Variants in ZNF251 observed in about 807,000 individuals in gnomAD.
The protein encoded by ZNF251 is zinc finger protein 251.
ZNF251 carries 14 observed loss-of-function variants against 13.5 expected under a neutral mutation model. The observed-to-expected ratio is 1.04, with a 90% confidence interval of 0.69 to 1.63. The LOEUF is 1.63. Ranked by LOEUF, ZNF251 falls within the 40% of genes most tolerant of loss-of-function variation. The pLI, the probability that ZNF251 is intolerant of heterozygous loss-of-function variation, is 0.00. For synonymous variants in ZNF251, 287 were observed against 295.2 expected (o/e 0.97, Z 0.28); for missense variants, 764 against 834.9 (o/e 0.92, Z 1.05).
intron 4 of ZNF251, among the ~76,000 whole-genome samples, chr8:144,745,141 GAA>G (rs927610411): frequency 6.0e-5 from 9 of 150,480 alleles, no homozygotes; most frequent in Non-Finnish European, 1.0e-4. Context: ...AGTCTGAGCA[GAA>G]TAAGACACAT....
chr8:144,736,767 C>T (rs1305861627), intron 4 of ZNF251, among the ~76,000 whole-genome samples: 1 of 152,074 alleles, frequency 6.6e-6, no homozygotes, highest in African/African-American at 2.4e-5. Context: ...GATGGGATTA[C>T]AGGCGTGAGC....
chr8:144,749,586 CCTATTT>C (rs1327010617), intron 4 of ZNF251, among the ~76,000 whole-genome samples: 2 of 152,230 alleles, frequency 1.3e-5, no homozygotes, highest in South Asian at 2.1e-4. Context: ...GTTCTTCATT[CCTATTT>C]CTGTTTTCCA....
intron 4 of ZNF251, among the ~76,000 whole-genome samples, chr8:144,741,147 CAA>C (rs1404682576): frequency 6.6e-6 from 1 of 152,150 alleles, no homozygotes; most frequent in Non-Finnish European, 1.5e-5. Context: ...AGGTGGATCT[CAA>C]AAGTGTCCAA....
chr8:144,733,846 A>C (rs1823798081), intron 4 of ZNF251, among the ~76,000 whole-genome samples: 1 of 152,220 alleles, frequency 6.6e-6, no homozygotes, highest in African/African-American at 2.4e-5. Context: ...AAAGAAAAAA[A>C]GAAAAAACCC....
chr8:144,723,611 T>C (rs1298431160), intron 4 of ZNF251, among the ~76,000 whole-genome samples: 1 of 152,206 alleles, frequency 6.6e-6, no homozygotes, highest in Middle Eastern at 3.2e-3. Context: ...ATTACGATTT[T>C]TCACCTATCA....
Position 144,723,028 on chromosome 8 carries a change from C to A in ZNF251, c.632G>T (p.Cys211Phe), listed in dbSNP as rs1283521930. 6.2e-7 allele frequency: 1 copy of A among 1,613,898 alleles called. No homozygotes were observed. Among genetic ancestry groups the A allele is most frequent in the Non-Finnish European group, 8.5e-7 (1 of 1,179,900 alleles). Residue 211 changes from cysteine (C) to phenylalanine (F), a missense_variant, in exon 5 of 5, where the codon TGT (cysteine) becomes TTT (phenylalanine). By Grantham distance (205) the Cys-to-Phe change is radical. Transcript: ENST00000292562. ...RNKTGERVFK[C>F]DICSKTFKYN... The stretch of plus-strand genomic sequence containing the variant: ...TTTGAAGGTTTTGCTGCATATATCA[C>A]ATTTAAAGACCCTCTCTCCTGTTTT...
chr8:144,728,725 G>A (rs946050412), intron 4 of ZNF251, among the ~76,000 whole-genome samples: 28 of 151,060 alleles, frequency 1.9e-4, no homozygotes, highest in Non-Finnish European at 3.8e-4. Flanking sequence ...ACAAAGAAGT[G>A]AGCACGTGCT....
intron 4 of ZNF251, among the ~76,000 whole-genome samples, chr8:144,744,158 T>G (rs1824304407): frequency 1.3e-5 from 2 of 151,838 alleles, no homozygotes; most frequent in Admixed American, 6.6e-5. Context: ...GAATTACAGG[T>G]GCCACCACAC....
intron 4 of ZNF251, among the ~76,000 whole-genome samples, chr8:144,738,009 A>G (rs112200908): frequency 0.031 from 4,695 of 152,224 alleles, 245 homozygotes; most frequent in African/African-American, 0.11. Flanking sequence ...TTTGACGGAC[A>G]CATTTATTTG....
At chr8:144,724,997 C>T (rs1300502281) in intron 4 of ZNF251, among the ~76,000 whole-genome samples, 1 of 147,884 alleles carries the variant, frequency 6.8e-6, no homozygotes, top group Non-Finnish European at 1.5e-5. Context: ...TCCACCACCA[C>T]CTTTTTTCTT....
chr8:144,752,422 TG>T (rs1824741253), intron 4 of ZNF251, among the ~76,000 whole-genome samples: 1 of 152,180 alleles, frequency 6.6e-6, no homozygotes, highest in Non-Finnish European at 1.5e-5. Context: ...TGGAAATTAA[TG>T]CATGTCCAAA....
chr8:144,752,670 G>A (rs1287716550), intron 4 of ZNF251, among the ~76,000 whole-genome samples: 1 of 152,144 alleles, frequency 6.6e-6, no homozygotes, highest in East Asian at 1.9e-4. Flanking sequence ...GAATAAACTA[G>A]AAGACAAGCT....
intron 4 of ZNF251, among the ~76,000 whole-genome samples, chr8:144,724,239 G>C (rs1395418862): frequency 7.6e-6 from 1 of 131,408 alleles, no homozygotes; most frequent in African/African-American, 2.8e-5. Flanking sequence ...TCCAGCCCGG[G>C]CAACAGAGCA....
At chr8:144,740,750 A>G (rs1376321445) in intron 4 of ZNF251, among the ~76,000 whole-genome samples, 1 of 151,970 alleles carries the variant, frequency 6.6e-6, no homozygotes, top group East Asian at 1.9e-4. Flanking sequence ...CCTGACCAAC[A>G]TGGTGAAACC....
At chr8:144,743,093 T>G (rs1345981785) in intron 4 of ZNF251, among the ~76,000 whole-genome samples, 1 of 152,214 alleles carries the variant, frequency 6.6e-6, no homozygotes, top group South Asian at 2.1e-4. Flanking sequence ...AGACGCAGTT[T>G]CACTGTTTCG....
At chr8:144,736,147 C>T (rs779595060) in intron 4 of ZNF251, among the ~76,000 whole-genome samples, 77 of 152,192 alleles carry the variant, frequency 5.1e-4, no homozygotes, top group Non-Finnish European at 9.3e-4. Flanking sequence ...CTCACGCAGC[C>T]GCATTTCTGA....
chr8:144,733,168 G>A lies in ZNF251; in HGVS notation c.278-9786C>T, dbSNP rs186521280. Among the ~76,000 whole-genome samples, 461 of 150,666 alleles carry A rather than the reference G, an allele frequency of 3.1e-3. 1 individual carries two copies. The highest frequency in any genetic ancestry group is 6.9e-3 in the Middle Eastern group (2 of 290). On this transcript the variant is annotated intron_variant, in intron 4 of 4. Transcript: ENST00000292562. ...CGGGAGGCAGAGGTTGTAATGAGCC[G>A]AGATCATACCACTGCACTCCAGCCT...
At chr8:144,755,346 C>T (rs559088016) in intron 1 of ZNF251, 59 bp downstream of exon 1, 1 of 1,285,540 alleles carries the variant, frequency 7.8e-7, no homozygotes, top group Admixed American at 2.3e-5. Flanking sequence ...GCGCCCTCCC[C>T]GCGCCCTCCC....
intron 4 of ZNF251, among the ~76,000 whole-genome samples, chr8:144,736,093 AT>A (rs765325500): frequency 8.1e-4 from 124 of 152,304 alleles, no homozygotes; most frequent in Non-Finnish European, 1.6e-3. Flanking sequence ...CGCCCTCATC[AT>A]GGGACAACCA....
Sources: gnomAD v4.1 joint callset for allele counts (sites outside exome capture counted in the v4.1 genomes callset) on GRCh38, gnomAD v4.1.1 for gene constraint, MANE v1.5 for transcripts, NCBI Gene and HGNC (gene_info 2026-07-23, HGNC 2026-07-21) for gene names.